The following PSMA1 variants were observed in gnomAD, a reference collection of about 807,000 sequenced individuals.
The protein encoded by PSMA1 is proteasome 20S subunit alpha 1.
PSMA1 carries 3 observed loss-of-function variants against 38.4 expected under a neutral mutation model. That is an observed-to-expected ratio of 0.08 (90% CI 0.04 to 0.20). PSMA1 has a LOEUF of 0.20. PSMA1 is among the 10% of genes least tolerant of loss of function. The pLI, the probability that PSMA1 is intolerant of heterozygous loss-of-function variation, is 1.00. For missense variants in PSMA1, 227 were observed against 325.3 expected, an observed-to-expected ratio of 0.70 and a Z score of 2.32; for synonymous variants, 101 against 107.1, an observed-to-expected ratio of 0.94 and a Z score of 0.35.
At chr11:14,508,647 C>T (rs1851290848) in intron 8 of PSMA1, among the ~76,000 whole-genome samples, 2 of 141,734 alleles carry the variant, frequency 1.4e-5, no homozygotes, top group South Asian at 4.7e-4. Context: ...TCAGGTAATT[C>T]ATGTGAGAGA....
At chr11:14,559,110 A>T (rs1448331472) in intron 2 of PSMA1, among the ~76,000 whole-genome samples, 1 of 152,196 alleles carries the variant, frequency 6.6e-6, no homozygotes, top group Non-Finnish European at 1.5e-5. Flanking sequence ...TTAAGAGATG[A>T]CTCAGAGTTA....
intron 2 of PSMA1, among the ~76,000 whole-genome samples, chr11:14,567,356 G>C (rs1852084059): frequency 6.6e-6 from 1 of 152,208 alleles, no homozygotes; most frequent in Non-Finnish European, 1.5e-5. Context: ...GAAGTTTCTT[G>C]ATATCTACTT....
intron 2 of PSMA1, among the ~76,000 whole-genome samples, chr11:14,608,931 A>G (rs1177929104): frequency 6.6e-6 from 1 of 152,068 alleles, no homozygotes; most frequent in Non-Finnish European, 1.5e-5. Flanking sequence ...GTTAAAGTTT[A>G]AAAAAATTAA....
intron 2 of PSMA1, among the ~76,000 whole-genome samples, chr11:14,541,304 A>G (rs1309502595): frequency 1.3e-5 from 2 of 152,182 alleles, no homozygotes; most frequent in African/African-American, 4.8e-5. Context: ...TATGCTTCTG[A>G]CGCAGCAAAC....
At chr11:14,576,456 A>G (rs563316137) in intron 2 of PSMA1, among the ~76,000 whole-genome samples, 2 of 152,318 alleles carry the variant, frequency 1.3e-5, no homozygotes, top group East Asian at 3.9e-4. Flanking sequence ...TAATTTTTGT[A>G]TAAGGTGTAA....
intron 1 of PSMA1, among the ~76,000 whole-genome samples, chr11:14,622,491 G>A (rs1408798469): frequency 6.6e-6 from 1 of 152,212 alleles, no homozygotes; most frequent in Non-Finnish European, 1.5e-5. Context: ...GTAAGACACA[G>A]TGTTCCAGAG....
intron 9 of PSMA1, among the ~76,000 whole-genome samples, chr11:14,507,105 A>C (rs1252277312): frequency 6.6e-6 from 1 of 152,078 alleles, no homozygotes; most frequent in Non-Finnish European, 1.5e-5. Context: ...TCTAGCCCCT[A>C]AGTTTTGGGG....
At chr11:14,604,315 G>A (rs948550370) in intron 2 of PSMA1, among the ~76,000 whole-genome samples, 3 of 152,046 alleles carry the variant, frequency 2.0e-5, no homozygotes, top group African/African-American at 7.2e-5. Flanking sequence ...ACCCACCTCG[G>A]CCTCCCAAAG....
rs1345056748 is a variant in PSMA1 at position 14,566,219 on chromosome 11, A to G, written c.21+44747T>C. 2.0e-5 allele frequency among the ~76,000 whole-genome samples: 3 copies of G among 152,240 alleles called. 1 individual carries two copies. Among genetic ancestry groups the G allele is most frequent in the Admixed American group, 1.3e-4 (2 of 15,278 alleles). On this transcript the variant is annotated intron_variant, in intron 2 of 10. Coordinates refer to the PSMA1 transcript ENST00000418988. The stretch of plus-strand genomic sequence containing the variant: ...ATGATATGACTAAGGCTTTAAAATA[A>G]TCACTCTAGCTGCTATATTGGGAAT...
chr11:14,573,004 G>A (rs7104674), intron 2 of PSMA1, among the ~76,000 whole-genome samples: 20,017 of 152,074 alleles, frequency 0.13, 1,539 homozygotes, highest in African/African-American at 0.2. Flanking sequence ...AACAGGAGCC[G>A]AAACTGAGGC....
At chr11:14,595,869 G>A (rs549661015) in intron 2 of PSMA1, among the ~76,000 whole-genome samples, 1 of 152,284 alleles carries the variant, frequency 6.6e-6, no homozygotes, top group East Asian at 1.9e-4. Flanking sequence ...GGTTTTTATG[G>A]TTTTAGGTCT....
chr11:14,610,239 C>T (rs1852693472), intron 2 of PSMA1, among the ~76,000 whole-genome samples: 1 of 152,180 alleles, frequency 6.6e-6, no homozygotes, highest in South Asian at 2.1e-4. Context: ...ATGTTTTACT[C>T]AAAGTGCCTT....
chr11:14,505,777 T>C (rs139539729), intron 9 of PSMA1, among the ~76,000 whole-genome samples: 71 of 152,166 alleles, frequency 4.7e-4, no homozygotes, highest in African/African-American at 1.6e-3. Flanking sequence ...GGCTGAGGCA[T>C]GAGGATTGCT....
At chr11:14,639,644 T>C (rs1488352336) in intron 1 of PSMA1, among the ~76,000 whole-genome samples, 1 of 152,146 alleles carries the variant, frequency 6.6e-6, no homozygotes, top group Non-Finnish European at 1.5e-5. Context: ...CCAGTTCCAT[T>C]AGTAGGGCCA....
At chr11:14,622,431 T>C (rs566160521) in intron 1 of PSMA1, among the ~76,000 whole-genome samples, 41 of 152,358 alleles carry the variant, frequency 2.7e-4, no homozygotes, top group Non-Finnish European at 5.9e-4. Flanking sequence ...GATGACATTA[T>C]GCTGATTGTT....
chr11:14,518,378 C>T (rs1371907332), intron 2 of PSMA1, among the ~76,000 whole-genome samples: 1 of 152,132 alleles, frequency 6.6e-6, no homozygotes, highest in South Asian at 2.1e-4. Context: ...GGATTACAGG[C>T]ATGAGCCACT....
At chr11:14,510,526 G>A (rs1206548783) in intron 8 of PSMA1, among the ~76,000 whole-genome samples, 1 of 152,050 alleles carries the variant, frequency 6.6e-6, no homozygotes, top group South Asian at 2.1e-4. Context: ...TGAAGAAAAA[G>A]TTATTTGTTG....
intron 2 of PSMA1, among the ~76,000 whole-genome samples, chr11:14,538,817 T>C (rs961637738): frequency 6.6e-6 from 1 of 152,258 alleles, no homozygotes; most frequent in Non-Finnish European, 1.5e-5. Flanking sequence ...GACTTCTGCC[T>C]TTCCAGAGCA....
At chr11:14,536,362 A>C (rs1851707482) in intron 2 of PSMA1, among the ~76,000 whole-genome samples, 1 of 151,942 alleles carries the variant, frequency 6.6e-6, no homozygotes, top group Non-Finnish European at 1.5e-5. Flanking sequence ...CCCCGTCTTT[A>C]CTAAAAATAC....
Sources: allele counts gnomAD v4.1 joint callset (sites outside exome capture counted in the v4.1 genomes callset), GRCh38; gene constraint gnomAD v4.1.1; transcripts MANE v1.5; gene names NCBI Gene and HGNC (gene_info 2026-07-23, HGNC 2026-07-21).